The following TTC28 variants were observed in gnomAD, a reference collection of about 807,000 sequenced individuals.
TTC28 encodes tetratricopeptide repeat protein 28.
In TTC28, 61 loss-of-function variants were observed where a neutral mutation model predicts 198.0. The observed-to-expected ratio is 0.31, with a 90% CI of 0.25 to 0.38. TTC28 has a LOEUF of 0.38. Among genes scored for constraint, TTC28 ranks in the 10% least tolerant of loss-of-function variants. TTC28 has a pLI of 1.00. For synonymous variants in TTC28, 1,171 were observed against 1,297.8 expected (o/e 0.90, Z 2.10); for missense variants, 2,678 against 3,164.0 (o/e 0.85, Z 3.69).
At chr22:28,087,695 T>C (rs1297663289) in intron 12 of TTC28, among the ~76,000 whole-genome samples, 6 of 152,262 alleles carry the variant, frequency 3.9e-5, no homozygotes, top group Non-Finnish European at 7.4e-5. Context: ...TAAATGGTAT[T>C]CAATTAGGAA....
intron 2 of TTC28, among the ~76,000 whole-genome samples, chr22:28,481,002 C>T (rs966190727): frequency 6.6e-6 from 1 of 152,106 alleles, no homozygotes; most frequent in African/African-American, 2.4e-5. Context: ...CTGAAGGTCA[C>T]ACAGCCAGCA....
At chr22:28,421,009 G>C (rs1195564580) in intron 2 of TTC28, among the ~76,000 whole-genome samples, 1 of 151,936 alleles carries the variant, frequency 6.6e-6, no homozygotes, top group African/African-American at 2.4e-5. Flanking sequence ...CATCCAAAAA[G>C]TATCATAATT....
intron 12 of TTC28, among the ~76,000 whole-genome samples, chr22:28,034,616 C>T (rs75534393): frequency 0.015 from 2,350 of 152,324 alleles, 80 homozygotes; most frequent in African/African-American, 0.054. Context: ...GGACCCTGCC[C>T]TAGTCTTCTG....
chr22:28,436,198 T>A (rs2047517806), intron 2 of TTC28, among the ~76,000 whole-genome samples: 2 of 152,190 alleles, frequency 1.3e-5, no homozygotes, highest in South Asian at 4.1e-4. Flanking sequence ...TGGATAGAGA[T>A]AAATTTGCAA....
chr22:28,262,968 G>A (rs1294568496), intron 5 of TTC28, among the ~76,000 whole-genome samples: 1 of 152,112 alleles, frequency 6.6e-6, no homozygotes, highest in Non-Finnish European at 1.5e-5. Context: ...AGGCATGGGT[G>A]GGTCATGAAT....
intron 2 of TTC28, among the ~76,000 whole-genome samples, chr22:28,589,011 TC>T (rs2050374924): frequency 6.6e-6 from 1 of 152,180 alleles, no homozygotes; most frequent in African/African-American, 2.4e-5. Flanking sequence ...ATACTTAATT[TC>T]TGTATATTGT....
intron 2 of TTC28, among the ~76,000 whole-genome samples, chr22:28,385,930 T>G (rs1394254282): frequency 1.3e-5 from 2 of 152,138 alleles, no homozygotes; most frequent in Non-Finnish European, 2.9e-5. Flanking sequence ...CCAGTAAGTC[T>G]GCCAAAATCT....
chr22:27,982,898 T>C lies in TTC28; in HGVS notation c.6769A>G (p.Met2257Val), dbSNP rs768505455. Residue 2257 changes from methionine (M) to valine (V), a missense_variant, in exon 23 of 23, where the codon ATG (methionine) becomes GTG (valine). Physicochemically the swap from Met to Val is conservative, Grantham distance 21. Transcript: ENST00000397906. The surrounding 1 kb of genome is among the most constrained non-coding windows in gnomAD (Gnocchi z 5.2). ...SGYSSPTTSE[M>V]SIKDSPSQHS... ...TGGCTCGGGCTGTCTTTGATGGACATCTCTGAGGTGGTGGGGCTGCTATAT... is the reference window on the plus strand; with the variant it reads ...TGGCTCGGGCTGTCTTTGATGGACACCTCTGAGGTGGTGGGGCTGCTATAT... 2.5e-5 allele frequency: 39 copies of C among 1,551,354 alleles called. No individual in the cohort carries two copies. The highest frequency in any genetic ancestry group is 3.2e-5 in the Non-Finnish European group (37 of 1,146,916).
intron 2 of TTC28, among the ~76,000 whole-genome samples, chr22:28,350,635 CCACGGCATGCACGCA>C (rs1350506409): frequency 6.6e-6 from 1 of 152,072 alleles, no homozygotes; most frequent in East Asian, 1.9e-4. Flanking sequence ...CTAAAGGGAT[CCACGGCATGCACGCA>C]CACGCACACA....
At chr22:27,992,712 C>A in intron 18 of TTC28, 49 bp from the exon 19 acceptor site, 2 of 1,518,162 alleles carry the variant, frequency 1.3e-6, no homozygotes, top group South Asian at 2.5e-5. Context: ...CCTCTGCACC[C>A]AAAAGCCTGC....
intron 5 of TTC28, among the ~76,000 whole-genome samples, chr22:28,277,284 G>A (rs1233021138): frequency 6.6e-6 from 1 of 152,164 alleles, no homozygotes; most frequent in Non-Finnish European, 1.5e-5. Flanking sequence ...AGAACTTTGG[G>A]ATTCATATAT....
chr22:28,639,909 A>G (rs908313910), intron 1 of TTC28, among the ~76,000 whole-genome samples: 10 of 152,234 alleles, frequency 6.6e-5, no homozygotes, highest in African/African-American at 2.4e-4. Flanking sequence ...GTACAAGACT[A>G]AAATATATAA....
chr22:28,531,159 G>A (rs34387654), intron 2 of TTC28, among the ~76,000 whole-genome samples: 26,597 of 152,062 alleles, frequency 0.17, 2,765 homozygotes, highest in Non-Finnish European at 0.23. Flanking sequence ...ATATTCAGGA[G>A]ACCCAGCTCA....
At chr22:28,309,506 T>C (rs1314506683) in intron 2 of TTC28, among the ~76,000 whole-genome samples, 1 of 152,206 alleles carries the variant, frequency 6.6e-6, no homozygotes, top group African/African-American at 2.4e-5. Flanking sequence ...TTCACAGCTG[T>C]TTATCCAAGC....
At chr22:28,161,331 G>A (rs911965059) in intron 6 of TTC28, among the ~76,000 whole-genome samples, 2 of 152,072 alleles carry the variant, frequency 1.3e-5, no homozygotes, top group African/African-American at 2.4e-5. Flanking sequence ...AGGAGTTCGA[G>A]ACTAGCCTGA....
intron 5 of TTC28, among the ~76,000 whole-genome samples, chr22:28,274,847 C>T (rs1286359364): frequency 2.6e-5 from 4 of 151,828 alleles, no homozygotes; most frequent in South Asian, 2.1e-4. Flanking sequence ...GATGTGGTAG[C>T]GCATGCCTGT....
intron 5 of TTC28, among the ~76,000 whole-genome samples, chr22:28,219,777 G>C (rs1927709417): frequency 6.6e-6 from 1 of 152,140 alleles, no homozygotes; most frequent in African/African-American, 2.4e-5. Flanking sequence ...ATGAAACTGA[G>C]AGATTTGAAA....
chr22:28,256,236 AC>A (rs1930907554), intron 5 of TTC28, among the ~76,000 whole-genome samples: 1 of 152,086 alleles, frequency 6.6e-6, no homozygotes, highest in Non-Finnish European at 1.5e-5. Context: ...AGCCTGGACA[AC>A]AAAGCGAAAC....
At chr22:28,452,684 G>A (rs974206116) in intron 2 of TTC28, among the ~76,000 whole-genome samples, 3 of 152,132 alleles carry the variant, frequency 2.0e-5, no homozygotes, top group African/African-American at 7.2e-5. Flanking sequence ...ATGGGACAGG[G>A]GCGGTTAGGG....
Sources: allele counts gnomAD v4.1 joint callset (sites outside exome capture counted in the v4.1 genomes callset), GRCh38; gene constraint gnomAD v4.1.1; non-coding constraint Gnocchi (gnomAD v3.1); transcripts MANE v1.5; gene names NCBI Gene and HGNC (gene_info 2026-07-23, HGNC 2026-07-21).